Variants in ERBB2 observed in about 807,000 individuals in gnomAD.
The protein encoded by ERBB2 is receptor tyrosine-protein kinase erbB-2.
ERBB2 carries 61 observed loss-of-function variants against 149.0 expected under a neutral mutation model. The observed-to-expected ratio is 0.41, with a 90% CI of 0.33 to 0.51. The LOEUF (loss-of-function observed/expected upper bound fraction) is 0.51. ERBB2 is among the 20% of genes least tolerant of loss of function. ERBB2 has a pLI of 0.25. For synonymous variants in ERBB2, 633 were observed against 678.8 expected (o/e 0.93, Z 1.05); for missense variants, 1,205 against 1,655.1 (o/e 0.73, Z 4.72).
intron 9 of ERBB2, 50 bp downstream of exon 9, chr17:39,712,498 T>G (rs1487062733): frequency 1.2e-6 from 2 of 1,600,514 alleles, no homozygotes; most frequent in African/African-American, 2.7e-5. Flanking sequence ...GACAGAGTCC[T>G]GAGGATCCAG....
upstream of ERBB2, among the ~76,000 whole-genome samples, chr17:39,698,229 G>A (rs1279827049): frequency 1.3e-5 from 2 of 151,852 alleles, no homozygotes. Flanking sequence ...ACTTGCCCAA[G>A]GTGACATGAC....
upstream of ERBB2, among the ~76,000 whole-genome samples, chr17:39,694,259 A>ATGTG (rs2057797230): frequency 7.1e-5 from 2 of 28,280 alleles, no homozygotes; most frequent in African/African-American, 2.1e-4. Context: ...ATATATATAT[A>ATGTG]TATATATATG....
In ERBB2 at chr17:39,727,834, C is replaced by T. The variant is rs1045132154; in HGVS notation, c.3558C>T (p.Ala1186=). 1.1e-5 allele frequency: 17 copies of T among 1,613,884 alleles called. No individual in the cohort carries two copies. Among genetic ancestry groups the T allele is most frequent in the South Asian group, 4.4e-5 (4 of 91,088 alleles). ...GKNGVVKDVF[A]FGGAVENPEY... ...ATGGGGTCGTCAAAGACGTTTTTGC[C>T]TTTGGGGGTGCCGTGGAGAACCCCG... The change falls in exon 27 of 27, where the codon GCC becomes GCT. Residue 1186 remains alanine, a synonymous_variant. Coordinates refer to ENST00000269571, the MANE Select transcript of ERBB2 (RefSeq NM_004448.4). The surrounding 1 kb of genome is among the most constrained non-coding windows in gnomAD (Gnocchi z 4.3).
rs1357761791 is a variant in ERBB2, at chr17:39,707,105, C to T, written c.189C>T (p.Thr63=). Reference sequence around the variant, plus strand: ...TGGTGCAGGGAAACCTGGAACTCACCTACCTGCCCACCAATGCCAGCCTGT... The same window carrying T: ...TGGTGCAGGGAAACCTGGAACTCACTTACCTGCCCACCAATGCCAGCCTGT... ...CQVVQGNLEL[T]YLPTNASLSF... The change falls in exon 2 of 27, where the codon ACC becomes ACT. Residue 63 remains threonine (T), a synonymous_variant. Coordinates refer to ENST00000269571, the MANE Select transcript of ERBB2 (RefSeq NM_004448.4). 6.2e-7 allele frequency: 1 copy of T among 1,601,822 alleles called. No homozygotes were observed. Among genetic ancestry groups the T allele is most frequent in the Non-Finnish European group, 8.5e-7 (1 of 1,174,136 alleles).
At position 39,727,723 on chromosome 17, in the gene ERBB2, C is replaced by T. The variant is rs2143289903; in HGVS notation, c.3447C>T (p.Pro1149=). ...YVNQPDVRPQ[P]PSPREGPLPA... ...ACCAGCCAGATGTTCGGCCCCAGCC[C>T]CCTTCGCCCCGAGAGGGCCCTCTGC... is the stretch of plus-strand genomic sequence containing the variant. Residue 1149 remains proline (P), a synonymous_variant, in exon 27 of 27, where the codon CCC becomes CCT. Coordinates refer to ENST00000269571, the MANE Select transcript of ERBB2 (RefSeq NM_004448.4). This position sits in a 1 kb window ranked among gnomAD's most constrained non-coding sequence, Gnocchi z 4.3. 1.9e-6 allele frequency: 3 copies of T among 1,571,412 alleles called. No individual in the cohort carries two copies. Among genetic ancestry groups the T allele is most frequent in the Non-Finnish European group, 2.6e-6 (3 of 1,157,988 alleles).
chr17:39,696,918 G>A (rs534481304), upstream of ERBB2: 1 of 152,470 alleles, frequency 6.6e-6, no homozygotes, highest in South Asian at 2.1e-4. Context: ...CACTCATCCA[G>A]GTGCAAGCCC....
Position 39,727,027 on chromosome 17 carries a change from G to T in ERBB2, c.3159+24G>T. ...GGGTCAGTGCCCTCGGTCACACTGT[G>T]TGGCTGTCTGCTTACCTCCCCCAAC... On this transcript the variant is annotated intron_variant, in intron 25 of 26. Coordinates refer to ENST00000269571, the MANE Select transcript of ERBB2 (RefSeq NM_004448.4). The surrounding 1 kb of genome is among the most constrained non-coding windows in gnomAD (Gnocchi z 4.3). 1 of 1,552,320 alleles carries T rather than the reference G, an allele frequency of 6.4e-7. No homozygotes were observed. Among genetic ancestry groups the T allele is most frequent in the Non-Finnish European group, 8.7e-7 (1 of 1,151,850 alleles).
Position 39,716,408 on chromosome 17 carries a change from G to A in ERBB2, c.1621G>A (p.Val541Met), listed in dbSNP as rs1415101808. Residue 541 changes from valine (V) to methionine (M), a missense_variant, in exon 13 of 27, where the codon GTG becomes ATG. Transcript: ENST00000269571. ...CCAGTTCCTTCGGGGCCAGGAGTGC[G>A]TGGAGGAATGCCGAGTACTGCAGGG... ...CSQFLRGQEC[V>M]EECRVLQGLP... 18 of 1,609,354 alleles carry A rather than the reference G, an allele frequency of 1.1e-5. No homozygotes were observed. The highest frequency in any genetic ancestry group is 1.4e-5 in the Non-Finnish European group (17 of 1,176,440).
At chr17:39,706,446 C>G (rs1212500855) in intron 1 of ERBB2, among the ~76,000 whole-genome samples, 2 of 152,204 alleles carry the variant, frequency 1.3e-5, no homozygotes, top group African/African-American at 2.4e-5. Flanking sequence ...CATGCCTCAG[C>G]TGCAACTCCA....
At position 39,716,583 on chromosome 17, in the gene ERBB2, G is replaced by T. The variant is rs756836001; in HGVS notation, c.1715G>T (p.Gly572Val). 2.5e-6 allele frequency: 4 copies of T among 1,614,094 alleles called. No individual in the cohort carries two copies. The highest frequency in any genetic ancestry group is 1.7e-5 in the Admixed American group (1 of 60,016). The change falls in exon 14 of 27, where the codon GGC becomes GTC. Residue 572 changes from glycine to valine, a missense_variant. Gly to Val is a moderately radical substitution (Grantham distance 109). Around this residue, in one of 6 missense-constraint regions of ERBB2, gnomAD observed 569 missense variants for 803.5 expected, o/e 0.71. Coordinates refer to ENST00000269571, the MANE Select transcript of ERBB2 (RefSeq NM_004448.4). ...PCHPECQPQN[G>V]SVTCFGPEAD... Reference sequence around the variant, plus strand: ...CACCCTGAGTGTCAGCCCCAGAATGGCTCAGTGACCTGTTTTGGACCGGTG... The same window carrying T: ...CACCCTGAGTGTCAGCCCCAGAATGTCTCAGTGACCTGTTTTGGACCGGTG...
chr17:39,708,271 G>T (rs2145433805), intron 2 of ERBB2, 50 bp from the exon 3 acceptor site: 2 of 1,498,296 alleles, frequency 1.3e-6, no homozygotes, highest in Non-Finnish European at 1.8e-6. Flanking sequence ...GGGAGGCCCT[G>T]GGGGGTGGCA....
At position 39,700,217 on chromosome 17, in the gene ERBB2, G is replaced by A. The variant is rs1486067389; in HGVS notation, c.-22G>A. 5.6e-6 allele frequency: 8 copies of A among 1,437,254 alleles called. No homozygotes were observed. In the Admixed American group the frequency reaches 8.0e-5, roughly 14 times the overall value. The allele number at this position is 1,437,254 out of a possible 1,614,324, so 89.0% of individuals were successfully genotyped here. ...CAGCCGGGTCCAGCCGGAGCCATGG[G>A]GCCGGAGCCGCAGTGAGCACCATGG... On this transcript the variant is annotated 5_prime_UTR_variant, in exon 1 of 27. Coordinates refer to ENST00000269571, the MANE Select transcript of ERBB2 (RefSeq NM_004448.4).
Position 39,711,902 on chromosome 17 carries a change from T to A in ERBB2, c.902-26T>A, listed in dbSNP as rs1251387061. On this transcript the variant is annotated intron_variant, in intron 7 of 26. Transcript: ENST00000269571. ...GTGGTGCACGAAGGGCCAGGGTATG[T>A]GGCTACATGTTCCTGATCTCCTTAG... 12 of 1,613,712 alleles carry A rather than the reference T, an allele frequency of 7.4e-6. No homozygotes were observed. The African/African-American group carries it at 1.6e-4, about 22-fold the overall frequency.
intron 16 of ERBB2, among the ~76,000 whole-genome samples, chr17:39,721,131 G>T (rs955970121): frequency 2.6e-5 from 4 of 151,960 alleles, no homozygotes; most frequent in African/African-American, 9.7e-5. Flanking sequence ...AATTTTTTTT[G>T]TATAGACAGG....
chr17:39,700,727 T>TA (rs2058054556), intron 1 of ERBB2, among the ~76,000 whole-genome samples: 1 of 151,744 alleles, frequency 6.6e-6, no homozygotes, highest in African/African-American at 2.4e-5. Flanking sequence ...CTGGATTCCT[T>TA]GGGGGGGTCC....
Position 39,715,469 on chromosome 17 carries a change from C to T in ERBB2, c.1246C>T (p.Pro416Ser). The T allele has an allele frequency of 6.2e-7, 1 of 1,614,194 alleles. No individual in the cohort carries two copies. The highest frequency in any genetic ancestry group is 1.1e-5 in the South Asian group (1 of 91,090). Reference sequence around the variant, plus strand: ...AGGTTACCTATACATCTCAGCATGGCCGGACAGCCTGCCTGACCTCAGCGT... The same window carrying T: ...AGGTTACCTATACATCTCAGCATGGTCGGACAGCCTGCCTGACCTCAGCGT... ...ITGYLYISAW[P>S]DSLPDLSVFQ... Residue 416 changes from proline to serine, a missense_variant, in exon 11 of 27, where the codon CCG becomes TCG. Physicochemically the swap from Pro to Ser is moderately conservative, Grantham distance 74 (BLOSUM62 -1). Coordinates refer to ENST00000269571, the MANE Select transcript of ERBB2 (RefSeq NM_004448.4).
At chr17:39,715,160 GC>G in intron 9 of ERBB2, 125 bp from the exon 10 acceptor site, 1 of 741,206 alleles carries the variant, frequency 1.3e-6, no homozygotes, top group Non-Finnish European at 2.3e-6. Context: ...GATGGGAACA[GC>G]TGGGCTCGAT....
rs1455820265 is a variant in ERBB2 at position 39,726,852 on chromosome 17, C to T, written c.3008C>T (p.Thr1003Ile). 6.2e-7 allele frequency: 1 copy of T among 1,613,430 alleles called. No homozygotes were observed. Among genetic ancestry groups the T allele is most frequent in the South Asian group, 1.1e-5 (1 of 91,024 alleles). Residue 1003 changes from threonine to isoleucine, a missense_variant, in exon 25 of 27, where the codon ACC (threonine) becomes ATC (isoleucine). This residue lies in a region of ERBB2 where 312 missense variants were observed against 343.8 expected (regional missense o/e 0.91). Transcript: ENST00000269571. This position sits in a 1 kb window ranked among gnomAD's most constrained non-coding sequence, Gnocchi z 5.1. ...GGCCCAGCCAGTCCCTTGGACAGCA[C>T]CTTCTACCGCTCACTGCTGGAGGAC... ...DLGPASPLDS[T>I]FYRSLLEDDD...
At position 39,726,425 on chromosome 17, in the gene ERBB2, G is replaced by C. The variant is rs761165989; in HGVS notation, c.2873-137G>C. 2.2e-5 allele frequency: 15 copies of C among 689,212 alleles called. No individual in the cohort carries two copies. The highest frequency in any genetic ancestry group is 3.2e-5 in the Non-Finnish European group (12 of 376,504). The allele number at this position is 689,212 out of a possible 1,614,324, so 42.7% of individuals were successfully genotyped here. On this transcript the variant is annotated intron_variant, in intron 23 of 26. Transcript: ENST00000269571. This position sits in a 1 kb window ranked among gnomAD's most constrained non-coding sequence, Gnocchi z 5.1. ...TTCTGGCTGAAGACCCCAGAGTCTG[G>C]TGCTACTTCTCTACCACCTGAGGGC...
Sources: allele counts gnomAD v4.1 joint callset (sites outside exome capture counted in the v4.1 genomes callset), GRCh38; gene constraint gnomAD v4.1.1; regional missense constraint gnomAD v4.1.1; non-coding constraint Gnocchi (gnomAD v3.1); transcripts MANE v1.5; gene names NCBI Gene and HGNC (gene_info 2026-07-23, HGNC 2026-07-21).